CFAP54: variants seen among roughly 807,000 people sequenced by gnomAD.
CFAP54 encodes cilia and flagella associated protein 54.
Under a neutral mutation model 370.4 loss-of-function variants are expected in CFAP54, and 290 were observed. The ratio of observed to expected loss-of-function variants is 0.78; its 90% CI spans 0.71 to 0.86. CFAP54 has a LOEUF of 0.86. CFAP54 is among the 40% of genes least tolerant of loss of function. The pLI is 0.00. For missense variants in CFAP54, 3,399 were observed against 3,528.7 expected (o/e 0.96, Z 0.93); for synonymous variants, 1,206 against 1,236.5 (o/e 0.98, Z 0.52).
intron 22 of CFAP54, among the ~76,000 whole-genome samples, chr12:96,585,645 C>G (rs1397015751): frequency 6.6e-6 from 1 of 152,130 alleles, no homozygotes; most frequent in Non-Finnish European, 1.5e-5. Flanking sequence ...AAACCTCACC[C>G]TTCTTTTTGC....
intron 48 of CFAP54, among the ~76,000 whole-genome samples, chr12:96,709,701 TTTATTATTATTATTA>T (rs71068827): frequency 5.6e-5 from 8 of 144,072 alleles, no homozygotes; most frequent in African/African-American, 2.1e-4. Flanking sequence ...TTGATCATGG[TTTATTATTATTATTA>T]TTATTATTAT....
At chr12:96,682,958 C>A (rs1331440706) in intron 40 of CFAP54, among the ~76,000 whole-genome samples, 1 of 152,152 alleles carries the variant, frequency 6.6e-6, no homozygotes, top group Non-Finnish European at 1.5e-5. Context: ...CCATCTAATT[C>A]CATTTTCCTT....
chr12:96,570,731 A>C (rs1261999616), intron 19 of CFAP54, among the ~76,000 whole-genome samples: 1 of 152,154 alleles, frequency 6.6e-6, no homozygotes, highest in Non-Finnish European at 1.5e-5. Flanking sequence ...CAGTCAATAA[A>C]TGTTAGCCAT....
At chr12:96,555,796 C>A (rs114005319) in intron 17 of CFAP54, among the ~76,000 whole-genome samples, 1 of 151,620 alleles carries the variant, frequency 6.6e-6, no homozygotes, top group Non-Finnish European at 1.5e-5. Flanking sequence ...ACCAAATAAT[C>A]AGAAAGATTA....
In CFAP54 at chr12:96,671,980, GAGAA is replaced by G. The variant is rs1381197097; in HGVS notation, c.5564-7606_5564-7603del. Among the ~76,000 whole-genome samples, 715 of 151,756 alleles carry G rather than the reference GAGAA, an allele frequency of 4.7e-3. 3 individuals carry two copies. The highest frequency in any genetic ancestry group is 0.016 in the African/African-American group (675 of 41,332). On this transcript the variant is annotated intron_variant, in intron 39 of 67. Transcript: ENST00000524981. ...AGAGAAAGAAAGAAAGAGAGAGAGA[GAGAA>G]AGAAAGAAAGAAAAAGAAAGAAAGA...
At chr12:96,809,682 G>A (rs1178354346) in intron 63 of CFAP54, among the ~76,000 whole-genome samples, 1 of 152,122 alleles carries the variant, frequency 6.6e-6, no homozygotes, top group Non-Finnish European at 1.5e-5. Context: ...GTCTACTTAT[G>A]TTTGAAGTGA....
At chr12:96,637,125 G>A (rs1956671360) in intron 32 of CFAP54, among the ~76,000 whole-genome samples, 1 of 152,166 alleles carries the variant, frequency 6.6e-6, no homozygotes, top group Non-Finnish European at 1.5e-5. Context: ...TATTCCGGCT[G>A]TTTCACGTAT....
In CFAP54 at chr12:96,850,556, T is replaced by C. The variant is rs142444267; in HGVS notation, c.9172-10263T>C. 5.8e-3 allele frequency among the ~76,000 whole-genome samples: 877 copies of C among 152,212 alleles called. 9 individuals are homozygous for C. Among genetic ancestry groups the C allele is most frequent in the African/African-American group, 0.02 (827 of 41,530 alleles). On this transcript the variant is annotated intron_variant, in intron 66 of 67. Transcript: ENST00000524981. ...TGTTCTGAGAGCCTGTCTTCCTAGG[T>C]GTGGATCCTGGCTCTGATACTAAAT...
Position 96,649,951 on chromosome 12 carries a change from C to T in CFAP54, c.4751C>T (p.Thr1584Ile), listed in dbSNP as rs2136501389. ...ATGAGTGATGAAAATATGTCCAAGA[C>T]ACAAACAGTTTATGACTCAGACTCT... Reference protein sequence around the residue: ...SIMSDENMSKTQTVYDSDSQS... With the variant: ...SIMSDENMSKIQTVYDSDSQS... Residue 1584 changes from threonine to isoleucine, a missense_variant, in exon 35 of 68, where the codon ACA becomes ATA. Thr to Ile is a moderately conservative substitution (Grantham distance 89). Around this residue, in one of 3 missense-constraint regions of CFAP54, gnomAD observed 2,796 missense variants for 2,869.7 expected, o/e 0.97. Coordinates refer to ENST00000524981, the MANE Select transcript of CFAP54 (RefSeq NM_001306084.2). The T allele has an allele frequency of 6.2e-7, 1 of 1,612,272 alleles. No homozygotes were observed. The highest frequency in any genetic ancestry group is 1.3e-5 in the African/African-American group (1 of 74,970).
chr12:96,634,220 T>A (rs1956640544), intron 32 of CFAP54, among the ~76,000 whole-genome samples: 1 of 151,760 alleles, frequency 6.6e-6, no homozygotes, highest in African/African-American at 2.4e-5. Context: ...CACGCTTGAC[T>A]AATTTTTGTA....
At chr12:96,696,510 A>G (rs1808497995) in intron 45 of CFAP54, among the ~76,000 whole-genome samples, 1 of 152,152 alleles carries the variant, frequency 6.6e-6, no homozygotes, top group African/African-American at 2.4e-5. Context: ...TATTGTTAGC[A>G]CTTGGTAGCT....
At chr12:96,766,420 A>G (rs965611341) in intron 60 of CFAP54, among the ~76,000 whole-genome samples, 1 of 152,072 alleles carries the variant, frequency 6.6e-6, no homozygotes, top group African/African-American at 2.4e-5. Flanking sequence ...TTGACCCTAC[A>G]CAGGGCAGTT....
chr12:96,672,554 C>T (rs555379317), intron 39 of CFAP54, among the ~76,000 whole-genome samples: 7 of 152,100 alleles, frequency 4.6e-5, no homozygotes, highest in African/African-American at 7.2e-5. Context: ...GATTGGTGAC[C>T]GTGAATTTGT....
In CFAP54 at chr12:96,592,543, T is replaced by C; in HGVS notation, c.3266T>C (p.Leu1089Pro). ...ETSSILLYLF[L>P]RNIFVTSDIK... Reference sequence around the variant, plus strand: ...TCTTCAATCCTCTTGTACCTTTTTCTTAGAAATATTTTTGTAACAAGTGAC... The same window carrying C: ...TCTTCAATCCTCTTGTACCTTTTTCCTAGAAATATTTTTGTAACAAGTGAC... The change falls in exon 24 of 68, where the codon CTT becomes CCT. Residue 1089 changes from leucine (L) to proline (P), a missense_variant. Around this residue, in one of 3 missense-constraint regions of CFAP54, gnomAD observed 2,796 missense variants for 2,869.7 expected, o/e 0.97. Coordinates refer to ENST00000524981, the MANE Select transcript of CFAP54 (RefSeq NM_001306084.2). 3 of 1,095,818 alleles carry C rather than the reference T, an allele frequency of 2.7e-6. No homozygotes were observed. The highest frequency in any genetic ancestry group is 3.8e-6 in the Non-Finnish European group (3 of 784,756). 67.9% of individuals were successfully genotyped at this position (1,095,818 alleles called of 1,614,324 possible). A position where few individuals can be genotyped will look rare whatever the true frequency, so the allele number is the denominator to read the frequency against.
chr12:96,515,820 C>G (rs1490455576), intron 5 of CFAP54, among the ~76,000 whole-genome samples: 1 of 151,814 alleles, frequency 6.6e-6, no homozygotes, highest in Non-Finnish European at 1.5e-5. Flanking sequence ...TGAATGCCTA[C>G]CGTCATCAAG....
chr12:96,654,708 A>G (rs910339425), intron 36 of CFAP54, among the ~76,000 whole-genome samples: 3 of 151,472 alleles, frequency 2.0e-5, no homozygotes, highest in East Asian at 1.9e-4. Flanking sequence ...TGTAACCGCT[A>G]CCCTTCCCAG....
Position 96,728,036 on chromosome 12 carries a change from T to G in CFAP54, c.6965+7471T>G, listed in dbSNP as rs924189127. Among the ~76,000 whole-genome samples, 5 of 152,200 alleles carry G rather than the reference T, an allele frequency of 3.3e-5. No individual in the cohort carries two copies. The East Asian group carries it at 5.8e-4, about 18-fold the overall frequency. The stretch of plus-strand genomic sequence containing the variant: ...CTCTTCTGGCTTGTAGAGTTTCTGC[T>G]GAGAGATCCACTGTTAGTCTGATGG... On this transcript the variant is annotated intron_variant, in intron 50 of 67. Transcript: ENST00000524981.
intron 26 of CFAP54, among the ~76,000 whole-genome samples, chr12:96,601,843 CTCTTT>C (rs1281797992): frequency 6.6e-6 from 1 of 152,006 alleles, no homozygotes; most frequent in Non-Finnish European, 1.5e-5. Context: ...TGATTCTTCT[CTCTTT>C]TCTTCTTTAT....
intron 17 of CFAP54, 182 bp downstream of exon 17, chr12:96,554,984 A>G (rs1955737168): frequency 2.2e-6 from 1 of 465,070 alleles, no homozygotes; most frequent in Non-Finnish European, 3.5e-6. Flanking sequence ...ATTGCTTTAC[A>G]CTTTGCATAT....
Sources: allele counts gnomAD v4.1 joint callset (sites outside exome capture counted in the v4.1 genomes callset), GRCh38; gene constraint gnomAD v4.1.1; regional missense constraint gnomAD v4.1.1; transcripts MANE v1.5; gene names NCBI Gene and HGNC (gene_info 2026-07-23, HGNC 2026-07-21).